Variants in ROR1 observed in about 807,000 individuals in gnomAD.
ROR1 encodes the protein ROR family WNT receptor 1, also known as inactive tyrosine-protein kinase transmembrane receptor ROR1.
In ROR1, 19 loss-of-function variants were observed where a neutral mutation model predicts 78.8. The observed-to-expected ratio is 0.24, with a 90% CI of 0.17 to 0.35. The LOEUF (loss-of-function observed/expected upper bound fraction) is 0.35, where lower values mean the gene tolerates loss of function less well. Ranked by LOEUF, ROR1 falls within the 10% of genes least tolerant of loss-of-function variation. ROR1 has a pLI of 1.00. For missense variants in ROR1, 917 were observed against 1,177.8 expected, an observed-to-expected ratio of 0.78 and a Z score of 3.24; for synonymous variants, 386 against 433.6, an observed-to-expected ratio of 0.89 and a Z score of 1.36.
At chr1:63,940,536 GATAGATAA>G (rs1645830446) in intron 1 of ROR1, among the ~76,000 whole-genome samples, 1 of 152,008 alleles carries the variant, frequency 6.6e-6, no homozygotes, top group South Asian at 2.1e-4. Context: ...TAGATAGATA[GATAGATAA>G]TGTGAAGGAA....
intron 2 of ROR1, among the ~76,000 whole-genome samples, chr1:64,040,439 A>G (rs1646737221): frequency 6.6e-6 from 1 of 152,228 alleles, no homozygotes; most frequent in Non-Finnish European, 1.5e-5. Context: ...AAGTAACAAA[A>G]TGATACCTTC....
At chr1:63,849,755 C>T (rs968039380) in intron 1 of ROR1, among the ~76,000 whole-genome samples, 2 of 152,132 alleles carry the variant, frequency 1.3e-5, no homozygotes, top group Admixed American at 1.3e-4. Flanking sequence ...TTTTGTTTTT[C>T]CTACCATCTC....
intron 7 of ROR1, among the ~76,000 whole-genome samples, chr1:64,145,305 C>T (rs1315788905): frequency 6.6e-6 from 1 of 151,970 alleles, no homozygotes; most frequent in African/African-American, 2.4e-5. Flanking sequence ...AGGGGAAGGG[C>T]TTAAAAAATT....
At chr1:63,885,277 T>C (rs767233258) in intron 1 of ROR1, among the ~76,000 whole-genome samples, 9 of 152,130 alleles carry the variant, frequency 5.9e-5, no homozygotes, top group Non-Finnish European at 1.3e-4. Context: ...TTGGGGCTCC[T>C]AGGGAAACCA....
At chr1:63,880,668 G>A (rs963732605) in intron 1 of ROR1, among the ~76,000 whole-genome samples, 2 of 152,138 alleles carry the variant, frequency 1.3e-5, no homozygotes, top group Admixed American at 6.5e-5. Context: ...GGCTCTGTTT[G>A]TTGATTATGC....
Position 64,046,103 on chromosome 1 carries a change from C to T in ROR1, c.164-3588C>T, listed in dbSNP as rs566319694. 1.1e-3 allele frequency among the ~76,000 whole-genome samples: 171 copies of T among 152,286 alleles called. 1 individual carries two copies. The Middle Eastern group carries it at 0.024, about 21-fold the overall frequency. ...TGCCTGTCATCCAGTTGTTCTGCAG[C>T]TGCCCATATAGAAACACAAACTGTC... On this transcript the variant is annotated intron_variant, in intron 2 of 8. Coordinates refer to ENST00000371079, the MANE Select transcript of ROR1 (RefSeq NM_005012.4).
intron 7 of ROR1, among the ~76,000 whole-genome samples, chr1:64,154,735 G>C (rs1005709673): frequency 1.3e-5 from 2 of 152,126 alleles, no homozygotes; most frequent in Non-Finnish European, 2.9e-5. Context: ...TGGACTAAGT[G>C]GTTGGTTTCA....
At chr1:63,839,293 C>G (rs1645035439) in intron 1 of ROR1, among the ~76,000 whole-genome samples, 1 of 152,110 alleles carries the variant, frequency 6.6e-6, no homozygotes, top group South Asian at 2.1e-4. Flanking sequence ...GACCATATTT[C>G]TAAGAGGAGC....
At chr1:64,082,478 G>A (rs1248300669) in intron 4 of ROR1, among the ~76,000 whole-genome samples, 3 of 152,194 alleles carry the variant, frequency 2.0e-5, no homozygotes, top group Admixed American at 1.3e-4. Flanking sequence ...GAGTGGGGAA[G>A]AGGTTAGGCT....
intron 1 of ROR1, among the ~76,000 whole-genome samples, chr1:63,931,954 T>C (rs76655890): frequency 0.026 from 3,943 of 152,294 alleles, 176 homozygotes; most frequent in African/African-American, 0.09. Context: ...GTACTATACA[T>C]GATTTCAGGC....
Position 64,055,806 on chromosome 1 carries a change from A to C in ROR1, c.482+5090A>C, listed in dbSNP as rs1241169798. Among the ~76,000 whole-genome samples, 3 of 152,254 alleles carry C rather than the reference A, an allele frequency of 2.0e-5. No homozygotes were observed. In the East Asian group the frequency reaches 5.8e-4, roughly 29 times the overall value. ...ACAAAATTTTGCAACTCTCACTACT[A>C]TCTTATTTTAGAACATTTTCATCAT... On this transcript the variant is annotated intron_variant, in intron 4 of 8. Coordinates refer to ENST00000371079, the MANE Select transcript of ROR1 (RefSeq NM_005012.4).
intron 7 of ROR1, among the ~76,000 whole-genome samples, chr1:64,156,637 G>A (rs2100727280): frequency 6.6e-6 from 1 of 150,612 alleles, no homozygotes; most frequent in South Asian, 2.1e-4. Flanking sequence ...AACCCGGGAG[G>A]CGGACGTTGC....
chr1:63,813,562 C>T (rs1157722569), intron 1 of ROR1, among the ~76,000 whole-genome samples: 1 of 152,186 alleles, frequency 6.6e-6, no homozygotes, highest in Non-Finnish European at 1.5e-5. Flanking sequence ...ACCTACCTAG[C>T]ACAGGGCTGG....
intron 4 of ROR1, among the ~76,000 whole-genome samples, chr1:64,099,110 G>A (rs566588146): frequency 6.6e-6 from 1 of 152,224 alleles, no homozygotes; most frequent in South Asian, 2.1e-4. Context: ...CTGCTGAGGA[G>A]TGAACCTGTA....
intron 1 of ROR1, among the ~76,000 whole-genome samples, chr1:63,883,301 C>G (rs1192853124): frequency 6.6e-6 from 1 of 152,174 alleles, no homozygotes; most frequent in East Asian, 1.9e-4. Flanking sequence ...TGAGCCCAAC[C>G]TTTAAGTTGT....
chr1:63,977,413 G>A (rs2100504776), intron 1 of ROR1, among the ~76,000 whole-genome samples: 1 of 152,232 alleles, frequency 6.6e-6, no homozygotes, highest in Admixed American at 6.5e-5. Context: ...CAAAAGTTTT[G>A]GGTTTTGGAG....
chr1:63,791,247 A>T (rs915769724), intron 1 of ROR1, among the ~76,000 whole-genome samples: 9 of 152,094 alleles, frequency 5.9e-5, no homozygotes, highest in African/African-American at 1.7e-4. Flanking sequence ...ACACAGTGAG[A>T]GTCTGGGCAC....
At chr1:63,861,384 C>A (rs1645180755) in intron 1 of ROR1, among the ~76,000 whole-genome samples, 1 of 152,136 alleles carries the variant, frequency 6.6e-6, no homozygotes, top group South Asian at 2.1e-4. Flanking sequence ...ATAGTCATTC[C>A]TTTGGTTTTC....
In ROR1 at chr1:63,775,865, C is replaced by T. The variant is rs1039432742; in HGVS notation, c.91+1357C>T. 7.9e-5 allele frequency among the ~76,000 whole-genome samples: 12 copies of T among 152,288 alleles called. No homozygotes were observed. The East Asian group carries it at 2.3e-3, about 29-fold the overall frequency. ...AAGCTCCTGGGGGTAAATAGAGCTC[C>T]TAATTGTAATTAAGATGTGCATCAG... On this transcript the variant is annotated intron_variant, in intron 1 of 8. Transcript: ENST00000371079.
Sources: gnomAD v4.1 joint callset for allele counts (sites outside exome capture counted in the v4.1 genomes callset) on GRCh38, gnomAD v4.1.1 for gene constraint, MANE v1.5 for transcripts, NCBI Gene and HGNC (gene_info 2026-07-23, HGNC 2026-07-21) for gene names.